The following JUNB variants were observed in gnomAD, a reference collection of about 807,000 sequenced individuals.
The protein encoded by JUNB is transcription factor JunB.
A neutral mutation model predicts 16.4 loss-of-function variants in JUNB; 6 were observed. That is an observed-to-expected ratio of 0.37 (90% confidence interval 0.20 to 0.72). The LOEUF is 0.72. JUNB is among the 30% of genes least tolerant of loss of function. The pLI, the probability that JUNB is intolerant of heterozygous loss-of-function variation, is 0.53. For synonymous variants in JUNB, 226 were observed against 232.8 expected (o/e 0.97, Z 0.27); for missense variants, 389 against 492.9 (o/e 0.79, Z 2.00).
chr19:12,792,517 C>T lies in JUNB; in HGVS notation c.746C>T (p.Ala249Val), dbSNP rs1464060530. Reference sequence around the variant, plus strand: ...GAGGAACCGCAGACCGTGCCGGAGGCGCGCAGCCGGGACGCCACGCCGCCG... The same window carrying T: ...GAGGAACCGCAGACCGTGCCGGAGGTGCGCAGCCGGGACGCCACGCCGCCG... ...FKEEPQTVPE[A>V]RSRDATPPVS... is the part of the protein sequence containing the mutation. The change falls in exon 1 of 1, where the codon GCG becomes GTG. Residue 249 changes from alanine to valine, a missense_variant. Transcript: ENST00000302754. 3 of 1,572,286 alleles carry T rather than the reference C, an allele frequency of 1.9e-6. No homozygotes were observed. Among genetic ancestry groups the T allele is most frequent in the Non-Finnish European group, 2.6e-6 (3 of 1,160,398 alleles).
At position 12,791,986 on chromosome 19, in the gene JUNB, A is replaced by G. The variant is rs1244520205; in HGVS notation, c.215A>G (p.Gln72Arg). The G allele has an allele frequency of 6.2e-7, 1 of 1,611,564 alleles. No homozygotes were observed. The highest frequency in any genetic ancestry group is 1.1e-5 in the South Asian group (1 of 90,956). The part of the protein sequence containing the change: ...GGGGGSYFSG[Q>R]GSDTGASLKL... ...GGTGGCGGCAGCTACTTTTCTGGTC[A>G]GGGCTCGGACACCGGCGCGTCTCTC... The change falls in exon 1 of 1, where the codon CAG becomes CGG. Residue 72 changes from glutamine (Q) to arginine (R), a missense_variant. This residue lies in a region of JUNB where 349 missense variants were observed against 389.8 expected (regional missense o/e 0.90). Coordinates refer to ENST00000302754, the MANE Select transcript of JUNB (RefSeq NM_002229.3). The surrounding 1 kb of genome is among the most constrained non-coding windows in gnomAD (Gnocchi z 7.0).
At position 12,793,168 on chromosome 19, in the gene JUNB, C is replaced by A; in HGVS notation, c.*353C>A. 1 of 272,164 alleles carries A rather than the reference C, an allele frequency of 3.7e-6. No homozygotes were observed. The highest frequency in any genetic ancestry group is 7.6e-6 in the Non-Finnish European group (1 of 131,014). The allele number at this position is 272,164 out of a possible 1,614,324, so 16.9% of individuals were successfully genotyped here. ...GGACATTGGGAAGGGGACCCCCGCC[C>A]CCTGCCCTCCCCTCTCTGCACCGTA... On this transcript the variant is annotated 3_prime_UTR_variant, in exon 1 of 1. Transcript: ENST00000302754. The surrounding 1 kb of genome is among the most constrained non-coding windows in gnomAD (Gnocchi z 6.1).
Position 12,792,344 on chromosome 19 carries a change from C to T in JUNB, c.573C>T (p.Ala191=), listed in dbSNP as rs764349593. The change falls in exon 1 of 1, where the codon GCC becomes GCT. Residue 191 remains alanine, a synonymous_variant. Transcript: ENST00000302754. ...VYTNLSSYSP[A]SASSGGAGAA... The stretch of plus-strand genomic sequence containing the variant: ...CCAACCTCAGCAGCTACTCCCCAGC[C>T]TCTGCGTCCTCGGGAGGCGCCGGGG... The T allele has an allele frequency of 5.9e-6, 9 of 1,538,402 alleles. No homozygotes were observed. The highest frequency in any genetic ancestry group is 7.9e-6 in the Non-Finnish European group (9 of 1,141,332).
chr19:12,792,431 G>A lies in JUNB; in HGVS notation c.660G>A (p.Pro220=), dbSNP rs1229272180. Residue 220 remains proline, a synonymous_variant, in exon 1 of 1, where the codon CCG becomes CCA. Coordinates refer to ENST00000302754, the MANE Select transcript of JUNB (RefSeq NM_002229.3). ...CCATCAGCTACCTCCCACACGCGCC[G>A]CCCTTCGCCGGTGGCCACCCGGCGC... ...TTTISYLPHA[P]PFAGGHPAQL... 2 of 1,601,666 alleles carry A rather than the reference G, an allele frequency of 1.2e-6. No individual in the cohort carries two copies. The highest frequency in any genetic ancestry group is 1.1e-5 in the South Asian group (1 of 90,420).
In JUNB at chr19:12,791,715, C is replaced by A; in HGVS notation, c.-57C>A. On this transcript the variant is annotated 5_prime_UTR_variant, in exon 1 of 1. Coordinates refer to ENST00000302754, the MANE Select transcript of JUNB (RefSeq NM_002229.3). The surrounding 1 kb of genome is among the most constrained non-coding windows in gnomAD (Gnocchi z 7.0). ...GCAGCGGAGAGCTCGCCGCTCGCTG[C>A]AGCGAGGCCCGGAGCGGCCCCGCAG... The A allele has an allele frequency of 7.5e-7, 1 of 1,334,134 alleles. No homozygotes were observed. The allele number at this position is 1,334,134 out of a possible 1,614,324, so 82.6% of individuals were successfully genotyped here. A position where few individuals can be genotyped will look rare whatever the true frequency, so the allele number is the denominator to read the frequency against.
chr19:12,792,470 C>A lies in JUNB; in HGVS notation c.699C>A (p.Gly233=). ...AGGHPAQLGL[G]RGASTFKEEP... ...GCCACCCGGCGCAGCTGGGCTTGGGCCGCGGCGCCTCCACCTTCAAGGAGG... is the reference window on the plus strand; with the variant it reads ...GCCACCCGGCGCAGCTGGGCTTGGGACGCGGCGCCTCCACCTTCAAGGAGG... Residue 233 remains glycine, a synonymous_variant, in exon 1 of 1, where the codon GGC becomes GGA. Transcript: ENST00000302754. 6.3e-7 allele frequency: 1 copy of A among 1,593,400 alleles called. No homozygotes were observed. Among genetic ancestry groups the A allele is most frequent in the Non-Finnish European group, 8.5e-7 (1 of 1,173,196 alleles).
At position 12,791,988 on chromosome 19, in the gene JUNB, G is replaced by A; in HGVS notation, c.217G>A (p.Gly73Ser). Residue 73 changes from glycine to serine, a missense_variant, in exon 1 of 1, where the codon GGC becomes AGC. Gly to Ser is a moderately conservative substitution (Grantham distance 56). This residue lies in a region of JUNB where 349 missense variants were observed against 389.8 expected (regional missense o/e 0.90). Transcript: ENST00000302754. The surrounding 1 kb of genome is among the most constrained non-coding windows in gnomAD (Gnocchi z 7.0). ...GGGGSYFSGQ[G>S]SDTGASLKLA... ...TGGCGGCAGCTACTTTTCTGGTCAG[G>A]GCTCGGACACCGGCGCGTCTCTCAA... 1.2e-6 allele frequency: 2 copies of A among 1,611,714 alleles called. No homozygotes were observed. Among genetic ancestry groups the A allele is most frequent in the Non-Finnish European group, 1.7e-6 (2 of 1,179,516 alleles).
chr19:12,792,684 G>T lies in JUNB; in HGVS notation c.913G>T (p.Ala305Ser). Residue 305 changes from alanine to serine, a missense_variant, in exon 1 of 1, where the codon GCC becomes TCC. By Grantham distance (99) the Ala-to-Ser change is moderately conservative. Transcript: ENST00000302754. The part of the protein sequence containing the change: ...RLEDKVKTLK[A>S]ENAGLSSTAG... ...GGAGGACAAGGTGAAGACGCTCAAG[G>T]CCGAGAACGCGGGGCTGTCGAGTAC... 2.5e-6 allele frequency: 4 copies of T among 1,586,740 alleles called. No homozygotes were observed. The South Asian group carries it at 4.6e-5, about 18-fold the overall frequency.
Position 12,792,027 on chromosome 19 carries a change from G to A in JUNB, c.256G>A (p.Glu86Lys), listed in dbSNP as rs1260381083. The change falls in exon 1 of 1, where the codon GAG (glutamate) becomes AAG (lysine). Residue 86 changes from glutamate to lysine, a missense_variant. By Grantham distance (56) the Glu-to-Lys change is moderately conservative. Coordinates refer to ENST00000302754, the MANE Select transcript of JUNB (RefSeq NM_002229.3). ...CGCGTCTCTCAAGCTCGCCTCTTCG[G>A]AGCTGGAACGCCTGATTGTCCCCAA... ...TGASLKLASS[E>K]LERLIVPNSN... The A allele has an allele frequency of 6.2e-6, 10 of 1,611,372 alleles. No homozygotes were observed. Among genetic ancestry groups the A allele is most frequent in the Non-Finnish European group, 8.5e-6 (10 of 1,179,388 alleles).
chr19:12,791,914 G>A lies in JUNB; in HGVS notation c.143G>A (p.Arg48Gln), dbSNP rs202243098. The change falls in exon 1 of 1, where the codon CGG becomes CAG. Residue 48 changes from arginine to glutamine, a missense_variant. Arg to Gln is a conservative substitution (Grantham distance 43). Coordinates refer to ENST00000302754, the MANE Select transcript of JUNB (RefSeq NM_002229.3). This position sits in a 1 kb window ranked among gnomAD's most constrained non-coding sequence, Gnocchi z 7.0. ...SLAVNLADPY[R>Q]SLKAPGARGP... ...GCGGTCAACCTGGCCGACCCCTACC[G>A]GAGTCTCAAAGCGCCTGGGGCTCGC... 120 of 1,613,030 alleles carry A rather than the reference G, an allele frequency of 7.4e-5. No individual in the cohort carries two copies. Among genetic ancestry groups the A allele is most frequent in the Non-Finnish European group, 9.5e-5 (112 of 1,179,848 alleles).
rs547595747 is a variant in JUNB, at chr19:12,791,763, G to A, written c.-9G>A. 6.3e-6 allele frequency: 10 copies of A among 1,592,158 alleles called. No individual in the cohort carries two copies. The highest frequency in any genetic ancestry group is 6.9e-6 in the Non-Finnish European group (8 of 1,166,184). On this transcript the variant is annotated 5_prime_UTR_variant, in exon 1 of 1. Transcript: ENST00000302754. The surrounding 1 kb of genome is among the most constrained non-coding windows in gnomAD (Gnocchi z 7.0). ...CAGGGACCCTCCCCAGACCGCCTGG[G>A]CCGCCCGGATGTGCACTAAAATGGA...
At position 12,792,364 on chromosome 19, in the gene JUNB, C is replaced by A; in HGVS notation, c.593C>A (p.Ala198Asp). 6.4e-7 allele frequency: 1 copy of A among 1,551,604 alleles called. No individual in the cohort carries two copies. Among genetic ancestry groups the A allele is most frequent in the Non-Finnish European group, 8.7e-7 (1 of 1,149,522 alleles). The change falls in exon 1 of 1, where the codon GCC (alanine) becomes GAC (aspartate). Residue 198 changes from alanine to aspartate, a missense_variant. Ala to Asp is a moderately radical substitution (Grantham distance 126). This residue lies in a region of JUNB where 349 missense variants were observed against 389.8 expected (regional missense o/e 0.90). Coordinates refer to ENST00000302754, the MANE Select transcript of JUNB (RefSeq NM_002229.3). ...CCAGCCTCTGCGTCCTCGGGAGGCG[C>A]CGGGGCTGCCGTCGGGACCGGGAGC... is the stretch of plus-strand genomic sequence containing the variant. ...YSPASASSGG[A>D]GAAVGTGSSY...
chr19:12,791,962 G>T lies in JUNB; in HGVS notation c.191G>T (p.Gly64Val), dbSNP rs1243337013. Residue 64 changes from glycine (G) to valine (V), a missense_variant, in exon 1 of 1, where the codon GGT becomes GTT. Gly to Val is a moderately radical substitution (Grantham distance 109, BLOSUM62 -3). Coordinates refer to ENST00000302754, the MANE Select transcript of JUNB (RefSeq NM_002229.3). This position sits in a 1 kb window ranked among gnomAD's most constrained non-coding sequence, Gnocchi z 7.0. ...GARGPGPEGG[G>V]GGSYFSGQGS... Reference sequence around the variant, plus strand: ...CGCGGACCCGGCCCAGAGGGCGGCGGTGGCGGCAGCTACTTTTCTGGTCAG... The same window carrying T: ...CGCGGACCCGGCCCAGAGGGCGGCGTTGGCGGCAGCTACTTTTCTGGTCAG... 6.2e-7 allele frequency: 1 copy of T among 1,611,258 alleles called. No individual in the cohort carries two copies. The highest frequency in any genetic ancestry group is 2.2e-5 in the East Asian group (1 of 44,814).
chr19:12,792,244 C>A lies in JUNB; in HGVS notation c.473C>A (p.Ser158Tyr). Residue 158 changes from serine (S) to tyrosine (Y), a missense_variant, in exon 1 of 1, where the codon TCC (serine) becomes TAC (tyrosine). Coordinates refer to ENST00000302754, the MANE Select transcript of JUNB (RefSeq NM_002229.3). ...AACCACGTGACACCCCCCAACGTGT[C>A]CCTGGGCGCTACCGGGGGGCCCCCG... ...KMNHVTPPNV[S>Y]LGATGGPPAG... 1 of 1,512,108 alleles carries A rather than the reference C, an allele frequency of 6.6e-7. No individual in the cohort carries two copies. Among genetic ancestry groups the A allele is most frequent in the Non-Finnish European group, 8.9e-7 (1 of 1,127,686 alleles). The allele number at this position is 1,512,108 out of a possible 1,614,324, so 93.7% of individuals were successfully genotyped here.
rs760427973 is a variant in JUNB, at chr19:12,792,147, G to T, written c.376G>T (p.Gly126Cys). The change falls in exon 1 of 1, where the codon GGC becomes TGC. Residue 126 changes from glycine (G) to cysteine (C), a missense_variant. By Grantham distance (159) the Gly-to-Cys change is radical. Around this residue, in one of 2 missense-constraint regions of JUNB, gnomAD observed 349 missense variants for 389.8 expected, o/e 0.90. Transcript: ENST00000302754. ...GSGGGAGGAG[G>C]GVTEEQEGFA... ...CGGTGGAGGTGCAGGGGGCGCAGGG[G>T]GCGGCGTCACCGAGGAGCAGGAGGG... The T allele has an allele frequency of 6.3e-7, 1 of 1,596,812 alleles. No individual in the cohort carries two copies. The highest frequency in any genetic ancestry group is 8.5e-7 in the Non-Finnish European group (1 of 1,172,826).
rs1381061823 is a variant in JUNB at position 12,793,259 on chromosome 19, GTGTT to G, written c.*449_*452del. The G allele has an allele frequency of 5.8e-6, 1 of 171,376 alleles. No homozygotes were observed. Among genetic ancestry groups the G allele is most frequent in the African/African-American group, 2.4e-5 (1 of 41,476 alleles). 10.6% of individuals were successfully genotyped at this position (171,376 alleles called of 1,614,324 possible). A position where few individuals can be genotyped will look rare whatever the true frequency, so the allele number is the denominator to read the frequency against. ...TTTTAAGACGTGTTTGTGTTTGTGTGTGTTTGTTCTTTTTATTGAATCTATTTAA... is the reference window on the plus strand; with the variant it reads ...TTTTAAGACGTGTTTGTGTTTGTGTGTGTTCTTTTTATTGAATCTATTTAA... On this transcript the variant is annotated 3_prime_UTR_variant, in exon 1 of 1. Transcript: ENST00000302754. The surrounding 1 kb of genome is among the most constrained non-coding windows in gnomAD (Gnocchi z 6.1).
Position 12,791,642 on chromosome 19 carries a change from C to A in JUNB, c.-130C>A. 1 of 630,522 alleles carries A rather than the reference C, an allele frequency of 1.6e-6. No individual in the cohort carries two copies. The highest frequency in any genetic ancestry group is 2.5e-6 in the Non-Finnish European group (1 of 392,284). 39.1% of individuals were successfully genotyped at this position (630,522 alleles called of 1,614,324 possible). A position where few individuals can be genotyped will look rare whatever the true frequency, so the allele number is the denominator to read the frequency against. On this transcript the variant is annotated 5_prime_UTR_variant, in exon 1 of 1. Transcript: ENST00000302754. The surrounding 1 kb of genome is among the most constrained non-coding windows in gnomAD (Gnocchi z 7.0). ...CAGCTGCCGGCTGGCTGCTACCCGC[C>A]CGCGCCAGCCCCCGAGAACGCGCGA...
chr19:12,792,014 G>A lies in JUNB; in HGVS notation c.243G>A (p.Lys81=). The stretch of plus-strand genomic sequence containing the variant: ...GCTCGGACACCGGCGCGTCTCTCAA[G>A]CTCGCCTCTTCGGAGCTGGAACGCC... ...GQGSDTGASL[K]LASSELERLI... Residue 81 remains lysine (K), a synonymous_variant, in exon 1 of 1, where the codon AAG becomes AAA. Coordinates refer to ENST00000302754, the MANE Select transcript of JUNB (RefSeq NM_002229.3). 3 of 1,611,788 alleles carry A rather than the reference G, an allele frequency of 1.9e-6. No homozygotes were observed. Among genetic ancestry groups the A allele is most frequent in the Non-Finnish European group, 1.7e-6 (2 of 1,179,478 alleles).
Position 12,791,907 on chromosome 19 carries a change from C to T in JUNB, c.136C>T (p.Pro46Ser). 1 of 1,613,316 alleles carries T rather than the reference C, an allele frequency of 6.2e-7. No individual in the cohort carries two copies. The highest frequency in any genetic ancestry group is 1.7e-4 in the Middle Eastern group (1 of 6,060). ...GAGCCTGGCGGTCAACCTGGCCGAC[C>T]CCTACCGGAGTCTCAAAGCGCCTGG... is the stretch of plus-strand genomic sequence containing the variant. ...KPSLAVNLAD[P>S]YRSLKAPGAR... Residue 46 changes from proline to serine, a missense_variant, in exon 1 of 1, where the codon CCC (proline) becomes TCC (serine). Coordinates refer to ENST00000302754, the MANE Select transcript of JUNB (RefSeq NM_002229.3). The surrounding 1 kb of genome is among the most constrained non-coding windows in gnomAD (Gnocchi z 7.0).
Sources: gnomAD v4.1 joint callset for allele counts on GRCh38, gnomAD v4.1.1 for gene constraint, gnomAD v4.1.1 regional missense constraint, Gnocchi (gnomAD v3.1) non-coding constraint, MANE v1.5 for transcripts, NCBI Gene and HGNC (gene_info 2026-07-23, HGNC 2026-07-21) for gene names.